Variants in GRM1 observed in about 807,000 individuals in gnomAD.
GRM1 encodes the protein glutamate metabotropic receptor 1.
GRM1 carries 33 observed loss-of-function variants against 90.9 expected under a neutral mutation model. That is an observed-to-expected ratio of 0.36 (90% CI 0.28 to 0.49). The LOEUF (loss-of-function observed/expected upper bound fraction) is 0.49. Ranked by LOEUF, GRM1 falls within the 20% of genes least tolerant of loss-of-function variation. The pLI, the probability that GRM1 is intolerant of heterozygous loss-of-function variation, is 0.99. For synonymous variants in GRM1, 700 were observed against 613.2 expected, an observed-to-expected ratio of 1.14 and a Z score of -2.09; for missense variants, 1,190 against 1,534.3, an observed-to-expected ratio of 0.78 and a Z score of 3.75.
intron 7 of GRM1, among the ~76,000 whole-genome samples, chr6:146,401,819 C>T (rs1777168964): frequency 6.6e-6 from 1 of 152,136 alleles, no homozygotes; most frequent in African/African-American, 2.4e-5. Flanking sequence ...ATTCTATGTA[C>T]AGACAGATAT....
At chr6:146,224,004 A>C (rs1480150098) in intron 2 of GRM1, among the ~76,000 whole-genome samples, 1 of 152,092 alleles carries the variant, frequency 6.6e-6, no homozygotes, top group Non-Finnish European at 1.5e-5. Context: ...GGTGGAAAAA[A>C]ACCCAGTATC....
chr6:146,388,349 C>T (rs551584929), intron 6 of GRM1, among the ~76,000 whole-genome samples: 2 of 151,960 alleles, frequency 1.3e-5, no homozygotes, highest in South Asian at 4.1e-4. Context: ...GAAAATCATC[C>T]GTAAATGTAA....
intron 2 of GRM1, among the ~76,000 whole-genome samples, chr6:146,183,754 A>G (rs1778628923): frequency 1.3e-5 from 2 of 152,156 alleles, no homozygotes; most frequent in African/African-American, 2.4e-5. Context: ...TAATTCAGGT[A>G]CATTTCTCTC....
intron 1 of GRM1, among the ~76,000 whole-genome samples, chr6:146,125,564 C>G (rs1776167311): frequency 6.6e-6 from 1 of 151,122 alleles, no homozygotes; most frequent in Non-Finnish European, 1.5e-5. Context: ...TCATTTGATT[C>G]TTAGACTTAA....
intron 2 of GRM1, among the ~76,000 whole-genome samples, chr6:146,202,921 C>T (rs756949691): frequency 3.3e-5 from 5 of 152,078 alleles, no homozygotes; most frequent in African/African-American, 4.8e-5. Context: ...ATTGGCCGGG[C>T]GCGGTGGCTC....
At chr6:146,397,406 G>A (rs551253172) in intron 6 of GRM1, among the ~76,000 whole-genome samples, 6 of 148,810 alleles carry the variant, frequency 4.0e-5, no homozygotes, top group East Asian at 2.0e-4. Flanking sequence ...TCCAGGAGGC[G>A]GAGCTTGCAG....
intron 1 of GRM1, among the ~76,000 whole-genome samples, chr6:146,111,605 C>G (rs1775563580): frequency 1.3e-5 from 2 of 152,164 alleles, no homozygotes; most frequent in South Asian, 2.1e-4. Context: ...GTAAAGCCAG[C>G]CTTGCAAAGA....
rs191073156 is a variant in GRM1 at position 146,101,895 on chromosome 6, T to G, written c.701-57453T>G. 6.2e-4 allele frequency among the ~76,000 whole-genome samples: 93 copies of G among 150,994 alleles called. No individual in the cohort carries two copies. In the Middle Eastern group the frequency reaches 0.014, roughly 23 times the overall value. ...ATTATGTTAATAATAATATGAGTGA[T>G]AAAATTAATACCAACTTACTGAGTA... On this transcript the variant is annotated intron_variant, in intron 1 of 7. Coordinates refer to ENST00000282753, the MANE Select transcript of GRM1 (RefSeq NM_001278064.2).
chr6:146,195,808 A>G (rs1192893142), intron 2 of GRM1, among the ~76,000 whole-genome samples: 2 of 152,224 alleles, frequency 1.3e-5, no homozygotes, highest in African/African-American at 4.8e-5. Flanking sequence ...AAGGAGCTGG[A>G]TAGTGGTAAA....
At chr6:146,054,315 TG>T (rs1261188520) in intron 1 of GRM1, among the ~76,000 whole-genome samples, 1 of 152,122 alleles carries the variant, frequency 6.6e-6, no homozygotes, top group Non-Finnish European at 1.5e-5. Flanking sequence ...TCTGGATGAT[TG>T]GAAGAAGAAA....
At chr6:146,126,827 C>T (rs1776216073) in intron 1 of GRM1, among the ~76,000 whole-genome samples, 1 of 152,172 alleles carries the variant, frequency 6.6e-6, no homozygotes, top group Non-Finnish European at 1.5e-5. Flanking sequence ...GTTCTAAGAT[C>T]TCAAACTAAT....
At chr6:146,268,212 A>G (rs747486448) in intron 2 of GRM1, among the ~76,000 whole-genome samples, 2 of 152,184 alleles carry the variant, frequency 1.3e-5, no homozygotes, top group Non-Finnish European at 2.9e-5. Context: ...TAATTGACAC[A>G]CATTTTTTAA....
chr6:146,254,930 T>C (rs950305485), intron 2 of GRM1, among the ~76,000 whole-genome samples: 11 of 152,212 alleles, frequency 7.2e-5, no homozygotes, highest in African/African-American at 2.7e-4. Context: ...GCTGATGGCA[T>C]AGTTTTAGTC....
At chr6:146,346,254 A>C (rs1448689188) in intron 3 of GRM1, among the ~76,000 whole-genome samples, 4 of 152,246 alleles carry the variant, frequency 2.6e-5, no homozygotes, top group African/African-American at 9.6e-5. Context: ...CTGTTTTAAC[A>C]ATAGATTGGA....
chr6:146,298,496 C>T (rs1783264495), intron 2 of GRM1, among the ~76,000 whole-genome samples: 1 of 152,186 alleles, frequency 6.6e-6, no homozygotes, highest in South Asian at 2.1e-4. Flanking sequence ...TGCAGAATTT[C>T]AACTTCAAAA....
At chr6:146,378,783 A>G (rs1201187375) in intron 5 of GRM1, among the ~76,000 whole-genome samples, 3 of 152,146 alleles carry the variant, frequency 2.0e-5, no homozygotes, top group Non-Finnish European at 2.9e-5. Flanking sequence ...TAGGTCTTGA[A>G]ATGTGAAGAC....
intron 2 of GRM1, among the ~76,000 whole-genome samples, chr6:146,207,405 G>A (rs146761861): frequency 0.013 from 2,029 of 152,178 alleles, 22 homozygotes; most frequent in Non-Finnish European, 0.02. Context: ...AGAAGTGTCT[G>A]TTCATGTCCT....
At chr6:146,245,652 A>G (rs1047356707) in intron 2 of GRM1, among the ~76,000 whole-genome samples, 1 of 152,154 alleles carries the variant, frequency 6.6e-6, no homozygotes, top group Non-Finnish European at 1.5e-5. Flanking sequence ...GAATACATTC[A>G]TTTTCTCAGA....
At chr6:146,249,081 A>G (rs1364016187) in intron 2 of GRM1, among the ~76,000 whole-genome samples, 1 of 152,240 alleles carries the variant, frequency 6.6e-6, no homozygotes, top group Non-Finnish European at 1.5e-5. Context: ...TGCATTCACA[A>G]GAAAATGGGT....
Sources: allele counts gnomAD v4.1 joint callset (sites outside exome capture counted in the v4.1 genomes callset), GRCh38; gene constraint gnomAD v4.1.1; transcripts MANE v1.5; gene names NCBI Gene and HGNC (gene_info 2026-07-23, HGNC 2026-07-21).